PHTF2: variants seen among roughly 807,000 people sequenced by gnomAD.
The protein encoded by PHTF2 is protein PHTF2.
A neutral mutation model predicts 101.2 loss-of-function variants in PHTF2; 60 were observed. The ratio of observed to expected loss-of-function variants is 0.59; its 90% CI spans 0.48 to 0.73. The LOEUF is 0.73. Ranked by LOEUF, PHTF2 falls within the 30% of genes least tolerant of loss-of-function variation. PHTF2 has a pLI of 0.00. For synonymous variants in PHTF2, 311 were observed against 307.3 expected (o/e 1.01, Z -0.13); for missense variants, 747 against 908.7 (o/e 0.82, Z 2.29).
intron 6 of PHTF2, among the ~76,000 whole-genome samples, chr7:77,901,518 C>G (rs529914128): frequency 6.6e-6 from 1 of 152,186 alleles, no homozygotes; most frequent in East Asian, 1.9e-4. Flanking sequence ...TTTGTAATTC[C>G]TAACTAGAAC....
At chr7:77,953,032 A>T (rs897361296) in intron 18 of PHTF2, among the ~76,000 whole-genome samples, 2 of 152,120 alleles carry the variant, frequency 1.3e-5, no homozygotes, top group African/African-American at 4.8e-5. Flanking sequence ...TGCTGGCCCA[A>T]TGATCTTTCT....
intron 1 of PHTF2, among the ~76,000 whole-genome samples, chr7:77,800,032 A>C (rs896641876): frequency 1.3e-5 from 2 of 151,648 alleles, no homozygotes; most frequent in African/African-American, 4.9e-5. Context: ...TTGGCAAGAG[A>C]CTTAGTATTT....
intron 5 of PHTF2, among the ~76,000 whole-genome samples, chr7:77,899,831 T>C (rs1460470930): frequency 7.2e-5 from 11 of 152,232 alleles, no homozygotes; most frequent in Admixed American, 7.2e-4. Flanking sequence ...AACACTTGTG[T>C]CATCTCGCAG....
chr7:77,828,723 C>T (rs537246498), intron 1 of PHTF2, among the ~76,000 whole-genome samples: 4 of 152,072 alleles, frequency 2.6e-5, no homozygotes, highest in Non-Finnish European at 5.9e-5. Context: ...CAAAAATTAG[C>T]TGGGCGTGGT....
exon 20 of PHTF2, chr7:77,956,740 G>A (rs1467344545): frequency 1.3e-5 from 2 of 152,420 alleles, no homozygotes; most frequent in Non-Finnish European, 2.9e-5. Flanking sequence ...AAAAAAGTAC[G>A]GCATGAGTTC....
intron 1 of PHTF2, among the ~76,000 whole-genome samples, chr7:77,822,001 G>A (rs973601614): frequency 6.6e-6 from 1 of 152,186 alleles, no homozygotes; most frequent in Admixed American, 6.5e-5. Context: ...CTGTAGGGCT[G>A]TGTCTCAGGA....
At chr7:77,909,134 G>A in intron 8 of PHTF2, 176 bp downstream of exon 7, 1 of 480,586 alleles carries the variant, frequency 2.1e-6, no homozygotes, top group Non-Finnish European at 3.6e-6. Context: ...TTTGCTTCAA[G>A]GCCATTTTAA....
At chr7:77,915,811 G>A (rs2960454) in intron 9 of PHTF2, among the ~76,000 whole-genome samples, 3,351 of 152,194 alleles carry the variant, frequency 0.022, 117 homozygotes, top group African/African-American at 0.075. Context: ...AAATAAAAGC[G>A]TGTATAGAGA....
At chr7:77,860,303 G>A (rs758772753) in intron 3 of PHTF2, among the ~76,000 whole-genome samples, 1 of 152,196 alleles carries the variant, frequency 6.6e-6, no homozygotes, top group South Asian at 2.1e-4. Flanking sequence ...AAATGTATGA[G>A]AATATTATTT....
intron 16 of PHTF2, among the ~76,000 whole-genome samples, chr7:77,945,681 T>A (rs940215806): frequency 6.6e-6 from 1 of 152,160 alleles, no homozygotes; most frequent in Non-Finnish European, 1.5e-5. Context: ...GAATTTTTTT[T>A]AAGATACTAG....
At chr7:77,936,431 C>CT (rs1407803770) in intron 12 of PHTF2, among the ~76,000 whole-genome samples, 4 of 152,152 alleles carry the variant, frequency 2.6e-5, no homozygotes, top group Admixed American at 2.6e-4. Flanking sequence ...AATCCCAGCA[C>CT]TTTGGGAGGC....
chr7:77,858,153 A>G (rs905799518), intron 3 of PHTF2, among the ~76,000 whole-genome samples: 1 of 152,204 alleles, frequency 6.6e-6, no homozygotes, highest in Non-Finnish European at 1.5e-5. Context: ...ACTTGCCAAA[A>G]ATAAGACTTA....
At chr7:77,870,362 A>G (rs1035930162) in intron 3 of PHTF2, among the ~76,000 whole-genome samples, 1 of 152,064 alleles carries the variant, frequency 6.6e-6, no homozygotes, top group Non-Finnish European at 1.5e-5. Flanking sequence ...AAGGTCTCAC[A>G]ATAGGCCATC....
At chr7:77,929,947 ATTTTTTT>A in intron 12 of PHTF2, among the ~76,000 whole-genome samples, 5 of 122,150 alleles carry the variant, frequency 4.1e-5, no homozygotes, top group East Asian at 2.4e-4. Flanking sequence ...GACTAGCCAC[ATTTTTTT>A]TTTTTTTTTT....
chr7:77,937,821 G>T lies in PHTF2; in HGVS notation c.1450G>T (p.Gly484Ter). The change falls in exon 13 of 20, where the codon GGA becomes TGA. Residue 484 changes from glycine to a stop codon, truncating the protein, a stop_gained. Coordinates refer to ENST00000416283, the Ensembl canonical transcript of PHTF2. LOFTEE classifies it high-confidence loss of function. ...AGACATGTCTGTACTTGAAATCAGT[G>T]GAATGATAATGAACAGAGTGAGTTT... 1 of 1,533,980 alleles carries T rather than the reference G, an allele frequency of 6.5e-7. No individual in the cohort carries two copies. The highest frequency in any genetic ancestry group is 8.8e-7 in the Non-Finnish European group (1 of 1,131,036).
intron 3 of PHTF2, among the ~76,000 whole-genome samples, chr7:77,880,202 C>G (rs745693159): frequency 2.8e-4 from 43 of 152,096 alleles, no homozygotes; most frequent in Non-Finnish European, 5.1e-4. Flanking sequence ...ACATTTTATT[C>G]TCTGAGTATG....
At chr7:77,889,578 TTTTTTTTTTTTTTTCC>T (rs1800182003) in intron 3 of PHTF2, among the ~76,000 whole-genome samples, 2 of 129,998 alleles carry the variant, frequency 1.5e-5, no homozygotes, top group Admixed American at 1.5e-4. Flanking sequence ...TAGTATTTTC[TTTTTTTTTTTTTTTCC>T]TTTTTTTTTT....
intron 1 of PHTF2, among the ~76,000 whole-genome samples, chr7:77,839,193 G>A (rs1265593896): frequency 6.6e-6 from 1 of 152,136 alleles, no homozygotes; most frequent in Non-Finnish European, 1.5e-5. Context: ...GTGTGTCCTT[G>A]GATGATTTTG....
At chr7:77,947,125 A>AAACAACAACAACAAC (rs145896475) in intron 16 of PHTF2, among the ~76,000 whole-genome samples, 1 of 151,608 alleles carries the variant, frequency 6.6e-6, no homozygotes, top group Admixed American at 6.6e-5. Context: ...CTGTCTTTAA[A>AAACAACAACAACAAC]AACAACAACA....
Sources: gnomAD v4.1 joint callset for allele counts (sites outside exome capture counted in the v4.1 genomes callset) on GRCh38, gnomAD v4.1.1 for gene constraint, MANE v1.5 for transcripts, NCBI Gene and HGNC (gene_info 2026-07-23, HGNC 2026-07-21) for gene names.